The following STK38 variants were observed in gnomAD, a reference collection of about 807,000 sequenced individuals.
The protein encoded by STK38 is serine/threonine kinase 38.
STK38 carries 26 observed loss-of-function variants against 59.0 expected under a neutral mutation model. That is an observed-to-expected ratio of 0.44 (90% CI 0.32 to 0.61). The LOEUF (loss-of-function observed/expected upper bound fraction) is 0.61, where lower values mean the gene tolerates loss of function less well. Among genes scored for constraint, STK38 ranks in the 20% least tolerant of loss-of-function variants. The pLI, the probability that STK38 is intolerant of heterozygous loss-of-function variation, is 0.04. For missense variants in STK38, 433 were observed against 566.0 expected (o/e 0.76, Z 2.38); for synonymous variants, 175 against 176.6 (o/e 0.99, Z 0.07).
intron 10 of STK38, among the ~76,000 whole-genome samples, chr6:36,499,276 G>A (rs938675842): frequency 2.0e-5 from 3 of 152,058 alleles, no homozygotes; most frequent in Middle Eastern, 3.2e-3. Flanking sequence ...AGACAAACAC[G>A]CACACACCCT....
At chr6:36,506,727 T>A (rs555661636) in intron 8 of STK38, 83 bp from the exon 9 acceptor site, 2 of 1,248,474 alleles carry the variant, frequency 1.6e-6, no homozygotes, top group Non-Finnish European at 2.3e-6. Context: ...TCAAGTCACA[T>A]GAGACCCTAA....
At chr6:36,510,891 C>T (rs192569431) in intron 7 of STK38, among the ~76,000 whole-genome samples, 16 of 152,316 alleles carry the variant, frequency 1.1e-4, no homozygotes, top group Admixed American at 7.8e-4. Context: ...AATGAGAGTA[C>T]AGATATCTTT....
intron 3 of STK38, 48 bp from the exon 4 acceptor site, chr6:36,524,511 T>C (rs374194685): frequency 3.2e-6 from 5 of 1,557,940 alleles, no homozygotes; most frequent in South Asian, 1.2e-5. Context: ...ACTGAAATTC[T>C]GAAACTCTGT....
chr6:36,534,940 A>T (rs572953213), intron 2 of STK38, among the ~76,000 whole-genome samples: 19 of 151,724 alleles, frequency 1.3e-4, no homozygotes, highest in African/African-American at 3.6e-4. Context: ...TATGCAAATT[A>T]AAAAAAAATC....
intron 9 of STK38, among the ~76,000 whole-genome samples, chr6:36,502,861 A>G (rs1776873179): frequency 6.6e-6 from 1 of 152,216 alleles, no homozygotes; most frequent in South Asian, 2.1e-4. Context: ...TTAAAATGGT[A>G]CCATTCTATA....
At chr6:36,517,533 C>T (rs1229468972) in intron 6 of STK38, among the ~76,000 whole-genome samples, 184 bp downstream of exon 6, 1 of 152,052 alleles carries the variant, frequency 6.6e-6, no homozygotes, top group African/African-American at 2.4e-5. Flanking sequence ...TTTTATGGTA[C>T]TAAGATTGTA....
chr6:36,527,201 A>ATAT (rs1391904486), intron 2 of STK38, among the ~76,000 whole-genome samples: 10 of 124,476 alleles, frequency 8.0e-5, no homozygotes, highest in East Asian at 4.9e-4. Context: ...CAAAAAAAAA[A>ATAT]AAAAAAATAT....
chr6:36,501,399 T>C (rs1776835296), intron 9 of STK38, among the ~76,000 whole-genome samples: 1 of 152,186 alleles, frequency 6.6e-6, no homozygotes, highest in Admixed American at 6.5e-5. Flanking sequence ...CTTTAAATAT[T>C]ATATAATTTT....
At chr6:36,543,594 C>G (rs1444788119) in intron 1 of STK38, among the ~76,000 whole-genome samples, 1 of 152,072 alleles carries the variant, frequency 6.6e-6, no homozygotes, top group African/African-American at 2.4e-5. Flanking sequence ...GACCCTGTCT[C>G]TACTACCCCC....
intron 1 of STK38, 122 bp from the exon 2 acceptor site, chr6:36,540,329 A>G (rs1777903228): frequency 8.7e-6 from 8 of 916,156 alleles, no homozygotes; most frequent in African/African-American, 1.7e-5. Context: ...AACAGGTAAT[A>G]TGTAACAAAA....
intron 4 of STK38, 39 bp from the exon 5 acceptor site, chr6:36,521,856 T>C (rs758091621): frequency 1.3e-6 from 2 of 1,533,448 alleles, no homozygotes; most frequent in East Asian, 2.3e-5. Context: ...CAAAAACTCG[T>C]ACTACCAACC....
Position 36,517,702 on chromosome 6 carries a change from TC to T in STK38, c.514+14del, listed in dbSNP as rs1450163965. 1.2e-6 allele frequency: 2 copies of T among 1,610,086 alleles called. No homozygotes were observed. The highest frequency in any genetic ancestry group is 4.5e-5 in the East Asian group (2 of 44,836). On this transcript the variant is annotated intron_variant, in intron 6 of 13. Coordinates refer to ENST00000229812, the MANE Select transcript of STK38 (RefSeq NM_007271.4). Reference sequence around the variant, plus strand: ...AACAAAAAGAAAAAATGACCTTTCATCGTCAAGTAATTACCTCCAGGCAGGA... The same window carrying T: ...AACAAAAAGAAAAAATGACCTTTCATGTCAAGTAATTACCTCCAGGCAGGA...
intron 13 of STK38, 104 bp from the exon 14 acceptor site, chr6:36,496,018 G>T: frequency 7.6e-7 from 1 of 1,321,850 alleles, no homozygotes; most frequent in Non-Finnish European, 1.0e-6. Flanking sequence ...TTTCTATTTG[G>T]GAAAGCTTAT....
intron 7 of STK38, among the ~76,000 whole-genome samples, chr6:36,513,381 C>T (rs1172922783): frequency 1.3e-5 from 2 of 148,252 alleles, no homozygotes; most frequent in Admixed American, 1.4e-4. Flanking sequence ...GTGGCATGAT[C>T]TCAGCTCACT....
intron 4 of STK38, among the ~76,000 whole-genome samples, chr6:36,523,981 C>T (rs1777447501): frequency 6.6e-6 from 1 of 152,176 alleles, no homozygotes; most frequent in Non-Finnish European, 1.5e-5. Context: ...TAACAAGAGA[C>T]ATTATATATA....
chr6:36,517,875 T>C, intron 5 of STK38, 35 bp from the exon 6 acceptor site: 1 of 1,609,326 alleles, frequency 6.2e-7, no homozygotes, highest in South Asian at 1.1e-5. Context: ...TGACAAAGCT[T>C]GCTCTGCTTT....
intron 6 of STK38, 43 bp downstream of exon 6, chr6:36,517,674 C>A (rs1274667657): frequency 6.2e-7 from 1 of 1,602,852 alleles, no homozygotes. Context: ...AAAGAAACCA[C>A]AGAACAAAAA....
At chr6:36,542,261 CT>C (rs1488394094) in intron 1 of STK38, among the ~76,000 whole-genome samples, 12 of 152,094 alleles carry the variant, frequency 7.9e-5, no homozygotes, top group African/African-American at 2.9e-4. Flanking sequence ...CTGACACAGC[CT>C]TAAGGTATTT....
Position 36,538,997 on chromosome 6 carries a change from C to G in STK38, c.131+1075G>C, listed in dbSNP as rs554124916. ...AAATATAATAAATAACCATTATAGA[C>G]TCTAGATGATATATATGTATATATT... is the stretch of plus-strand genomic sequence containing the variant. On this transcript the variant is annotated intron_variant, in intron 2 of 13. Coordinates refer to ENST00000229812, the MANE Select transcript of STK38 (RefSeq NM_007271.4). 5.3e-5 allele frequency among the ~76,000 whole-genome samples: 8 copies of G among 151,206 alleles called. No individual in the cohort carries two copies. In the East Asian group the frequency reaches 1.5e-3, roughly 29 times the overall value.
Sources: allele counts gnomAD v4.1 joint callset (sites outside exome capture counted in the v4.1 genomes callset), GRCh38; gene constraint gnomAD v4.1.1; transcripts MANE v1.5; gene names NCBI Gene and HGNC (gene_info 2026-07-23, HGNC 2026-07-21).